The following GLRB variants were observed in gnomAD, a reference collection of about 807,000 sequenced individuals.
GLRB encodes glycine receptor beta, also known as glycine receptor subunit beta.
Under a neutral mutation model 54.2 loss-of-function variants are expected in GLRB, and 33 were observed. The ratio of observed to expected loss-of-function variants is 0.61; its 90% CI spans 0.46 to 0.81. GLRB has a LOEUF of 0.81. GLRB is among the 40% of genes least tolerant of loss of function. GLRB has a pLI of 0.00. For missense variants in GLRB, 572 were observed against 584.6 expected, an observed-to-expected ratio of 0.98 and a Z score of 0.22; for synonymous variants, 209 against 208.2, an observed-to-expected ratio of 1.00 and a Z score of -0.03.
At chr4:157,090,252 A>T (rs1734562748) in intron 2 of GLRB, among the ~76,000 whole-genome samples, 1 of 152,246 alleles carries the variant, frequency 6.6e-6, no homozygotes, top group Non-Finnish European at 1.5e-5. Flanking sequence ...GAAATTTAAA[A>T]GATTAAATCA....
At chr4:157,135,017 CTTAACA>C (rs1039325189) in intron 4 of GLRB, among the ~76,000 whole-genome samples, 2 of 152,016 alleles carry the variant, frequency 1.3e-5, no homozygotes, top group Admixed American at 1.3e-4. Context: ...TTGTAAAGCA[CTTAACA>C]TTAAGTATAC....
intron 2 of GLRB, among the ~76,000 whole-genome samples, chr4:157,100,810 G>GCAA (rs927669227): frequency 6.6e-6 from 1 of 152,122 alleles, no homozygotes; most frequent in Admixed American, 6.5e-5. Flanking sequence ...ATGAACCTTA[G>GCAA]CAAATACAAA....
At chr4:157,143,033 C>A (rs1736674663) in intron 7 of GLRB, among the ~76,000 whole-genome samples, 1 of 152,160 alleles carries the variant, frequency 6.6e-6, no homozygotes, top group Admixed American at 6.5e-5. Context: ...TGTGAGGCTG[C>A]CTGTAATTGG....
At chr4:157,154,682 C>T (rs752686865) in intron 9 of GLRB, among the ~76,000 whole-genome samples, 1 of 152,012 alleles carries the variant, frequency 6.6e-6, no homozygotes, top group Non-Finnish European at 1.5e-5. Flanking sequence ...CCACATTGGC[C>T]TCCCAAAGTG....
chr4:157,136,471 C>T lies in GLRB; in HGVS notation c.300C>T (p.Asp100=). ...GCACGCATGTACTTTTTCTTCAGGA[C>T]TATAGAGTTAACATCTTCCTGAGAC... is the stretch of plus-strand genomic sequence containing the variant. ...SFGSIQETTM[D]YRVNIFLRQK... Residue 100 remains aspartate, a splice_region_variant and synonymous_variant, in exon 5 of 10, where the codon GAC becomes GAT. Coordinates refer to ENST00000264428, the MANE Select transcript of GLRB (RefSeq NM_000824.5). 1.3e-6 allele frequency: 2 copies of T among 1,560,152 alleles called. No homozygotes were observed. Among genetic ancestry groups the T allele is most frequent in the Non-Finnish European group, 1.8e-6 (2 of 1,131,038 alleles).
At chr4:157,131,777 T>G (rs975045903) in intron 4 of GLRB, among the ~76,000 whole-genome samples, 4 of 151,848 alleles carry the variant, frequency 2.6e-5, no homozygotes, top group Admixed American at 2.0e-4. Flanking sequence ...TTTTTAACAC[T>G]GAATAATATT....
intron 2 of GLRB, among the ~76,000 whole-genome samples, chr4:157,086,134 C>T (rs901462867): frequency 2.0e-5 from 3 of 152,098 alleles, no homozygotes; most frequent in African/African-American, 4.8e-5. Flanking sequence ...CAAGCCTACT[C>T]GCCTATTTTG....
intron 2 of GLRB, among the ~76,000 whole-genome samples, chr4:157,116,712 T>TA (rs1735621327): frequency 6.6e-6 from 1 of 151,700 alleles, no homozygotes; most frequent in African/African-American, 2.4e-5. Flanking sequence ...ATTGATAAGC[T>TA]AAAAAATATG....
chr4:157,083,721 C>T (rs1734307328), intron 2 of GLRB, among the ~76,000 whole-genome samples: 1 of 152,010 alleles, frequency 6.6e-6, no homozygotes, highest in Non-Finnish European at 1.5e-5. Flanking sequence ...GGGGAATTGA[C>T]TTAGAAAGCT....
chr4:157,171,768 A>G lies in GLRB; in HGVS notation c.*1040A>G, dbSNP rs11941419. ...TAGTTACAAAATATTTAGAGATTAA[A>G]TAAATAATAGCTTTGTTTGTGTTAG... On this transcript the variant is annotated 3_prime_UTR_variant, in exon 10 of 10. Coordinates refer to ENST00000264428, the MANE Select transcript of GLRB (RefSeq NM_000824.5). 0.16 allele frequency: 24,986 copies of G among 151,856 alleles called. 2,921 individuals are homozygous for G. The highest frequency in any genetic ancestry group is 0.34 in the African/African-American group (13,905 of 41,442). 9.4% of individuals were successfully genotyped at this position (151,856 alleles called of 1,614,324 possible).
intron 2 of GLRB, among the ~76,000 whole-genome samples, chr4:157,089,999 C>T (rs72978487): frequency 0.045 from 6,867 of 152,186 alleles, 180 homozygotes; most frequent in South Asian, 0.11. Flanking sequence ...GCTACTTCTC[C>T]TCATCTCTGC....
At chr4:157,128,107 C>T (rs1290248661) in intron 4 of GLRB, among the ~76,000 whole-genome samples, 3 of 151,804 alleles carry the variant, frequency 2.0e-5, no homozygotes, top group Non-Finnish European at 4.4e-5. Flanking sequence ...CCAGACTAAT[C>T]AGTTGTATTT....
chr4:157,165,181 G>A (rs540680353), intron 9 of GLRB, among the ~76,000 whole-genome samples: 1 of 152,078 alleles, frequency 6.6e-6, no homozygotes, highest in East Asian at 1.9e-4. Context: ...ATGATAACAT[G>A]AGTCTAATAA....
chr4:157,158,695 C>T (rs984946765), intron 9 of GLRB, among the ~76,000 whole-genome samples: 7 of 152,120 alleles, frequency 4.6e-5, no homozygotes, highest in Non-Finnish European at 8.8e-5. Flanking sequence ...GTCTATATCT[C>T]TGTTTTGGTA....
chr4:157,099,348 T>G (rs1490951149), intron 2 of GLRB, among the ~76,000 whole-genome samples: 1 of 151,958 alleles, frequency 6.6e-6, no homozygotes, highest in Non-Finnish European at 1.5e-5. Flanking sequence ...AACTTTTTTT[T>G]TTTTTTTCGA....
chr4:157,128,553 A>G (rs975900677), intron 4 of GLRB, among the ~76,000 whole-genome samples: 1 of 151,834 alleles, frequency 6.6e-6, no homozygotes, highest in Non-Finnish European at 1.5e-5. Context: ...AGTGTATTGG[A>G]TGCTTTTTAT....
At chr4:157,116,992 A>C (rs1735631545) in intron 2 of GLRB, among the ~76,000 whole-genome samples, 1 of 151,682 alleles carries the variant, frequency 6.6e-6, no homozygotes, top group Non-Finnish European at 1.5e-5. Context: ...TTGATTTTCA[A>C]AAGATTTTTG....
At chr4:157,160,734 G>A (rs1737449509) in intron 9 of GLRB, among the ~76,000 whole-genome samples, 1 of 151,998 alleles carries the variant, frequency 6.6e-6, no homozygotes, top group Admixed American at 6.6e-5. Context: ...CATTTGCTGA[G>A]GAGTGCTTTA....
At chr4:157,155,181 G>A (rs929754538) in intron 9 of GLRB, among the ~76,000 whole-genome samples, 11 of 152,090 alleles carry the variant, frequency 7.2e-5, no homozygotes, top group African/African-American at 2.7e-4. Context: ...CCAGGCTGGG[G>A]TGCAGTGGTG....
Sources: gnomAD v4.1 joint callset for allele counts (sites outside exome capture counted in the v4.1 genomes callset) on GRCh38, gnomAD v4.1.1 for gene constraint, MANE v1.5 for transcripts, NCBI Gene and HGNC (gene_info 2026-07-23, HGNC 2026-07-21) for gene names.